The following ZNF516 variants were observed in gnomAD, a reference collection of about 807,000 sequenced individuals.
The protein encoded by ZNF516 is zinc finger protein 516.
A neutral mutation model predicts 79.7 loss-of-function variants in ZNF516; 19 were observed. The ratio of observed to expected loss-of-function variants is 0.24; its 90% CI spans 0.17 to 0.35. ZNF516 has a LOEUF of 0.35. ZNF516 is among the 10% of genes least tolerant of loss of function. The pLI is 1.00. For synonymous variants in ZNF516, 877 were observed against 739.5 expected (o/e 1.19, Z -3.02); for missense variants, 1,678 against 1,679.5 (o/e 1.00, Z 0.02).
rs1490897994 is a variant in ZNF516 at position 76,441,484 on chromosome 18, A to T, written c.1571T>A (p.Phe524Tyr). 3 of 1,601,560 alleles carry T rather than the reference A, an allele frequency of 1.9e-6. No individual in the cohort carries two copies. The highest frequency in any genetic ancestry group is 2.6e-6 in the Non-Finnish European group (3 of 1,175,452). Residue 524 changes from phenylalanine (F) to tyrosine (Y), a missense_variant, in exon 3 of 7, where the codon TTC becomes TAC. This residue lies in a region of ZNF516 where 1,294 missense variants were observed against 1,248.3 expected (regional missense o/e 1.04). Transcript: ENST00000443185. The stretch of plus-strand genomic sequence containing the variant: ...CAGCACCATCTGATGATAGGTGCGG[A>T]AGATCTTGCCGCACTCGAAGCACTC... Reference protein sequence around the residue: ...SSECFECGKIFRTYHQMVLHS... With the variant: ...SSECFECGKIYRTYHQMVLHS...
chr18:76,425,006 C>T, intron 3 of ZNF516, among the ~76,000 whole-genome samples: 1 of 141,076 alleles, frequency 7.1e-6, no homozygotes, highest in Non-Finnish European at 1.5e-5. Flanking sequence ...CCCCCTGAAA[C>T]ACACACACAG....
chr18:76,370,751 G>A (rs1396120744), intron 5 of ZNF516, among the ~76,000 whole-genome samples, 156 bp from the exon 6 acceptor site: 1 of 152,248 alleles, frequency 6.6e-6, no homozygotes, highest in Non-Finnish European at 1.5e-5. Context: ...CTTACAGTAA[G>A]AGACTGTGAT....
At chr18:76,399,707 C>T (rs2145204329) in intron 3 of ZNF516, among the ~76,000 whole-genome samples, 2 of 152,298 alleles carry the variant, frequency 1.3e-5, no homozygotes, top group Middle Eastern at 6.8e-3. Context: ...ACAGGTCTGA[C>T]TTCTAGCCCC....
At chr18:76,487,355 C>A (rs1914889313) in intron 1 of ZNF516, among the ~76,000 whole-genome samples, 1 of 152,326 alleles carries the variant, frequency 6.6e-6, no homozygotes, top group South Asian at 2.1e-4. Context: ...ATCTAAAATA[C>A]ACTTCGTACA....
At chr18:76,410,291 G>C (rs1347914196) in intron 3 of ZNF516, among the ~76,000 whole-genome samples, 1 of 152,218 alleles carries the variant, frequency 6.6e-6, no homozygotes, top group Non-Finnish European at 1.5e-5. Context: ...GCAAAAGTGA[G>C]AGCTTCTTGA....
rs1911701466 is a variant in ZNF516, at chr18:76,442,050, C to G, written c.1005G>C (p.Glu335Asp). 2 of 1,613,998 alleles carry G rather than the reference C, an allele frequency of 1.2e-6. No individual in the cohort carries two copies. Among genetic ancestry groups the G allele is most frequent in the African/African-American group, 2.7e-5 (2 of 75,074 alleles). The change falls in exon 3 of 7, where the codon GAG becomes GAC. Residue 335 changes from glutamate to aspartate, a missense_variant. This residue lies in a region of ZNF516 where 1,294 missense variants were observed against 1,248.3 expected (regional missense o/e 1.04). Transcript: ENST00000443185. ...EVIVAGLSLY[E>D]VCAKCGNLFT... ...ACAGGTTCCCGCACTTGGCGCAGAC[C>G]TCGTAGAGGCTCAGGCCGGCGACGA...
intron 1 of ZNF516, among the ~76,000 whole-genome samples, chr18:76,473,547 A>G (rs1384865806): frequency 6.6e-6 from 1 of 152,150 alleles, no homozygotes; most frequent in East Asian, 1.9e-4. Context: ...CACGCCTGTA[A>G]TCACAGCACT....
chr18:76,492,285 G>C (rs1568336714), intron 1 of ZNF516: 1 of 985,442 alleles, frequency 1.0e-6, no homozygotes, highest in African/African-American at 1.7e-5. Flanking sequence ...TGCGTACTAC[G>C]CGAGCCACAC....
chr18:76,380,119 C>T lies in ZNF516; in HGVS notation c.1995G>A (p.Glu665=). 1 of 1,613,940 alleles carries T rather than the reference C, an allele frequency of 6.2e-7. No homozygotes were observed. Among genetic ancestry groups the T allele is most frequent in the Admixed American group, 1.7e-5 (1 of 60,020 alleles). ...NSSRETSRRQ[E]QHRFSMDLKM... is the part of the protein sequence containing the mutation. ...TTAAGTCCATAGAAAATCTGTGCTG[C>T]TCTTGCCTTCTAGAAGTCTCTCTGC... Residue 665 remains glutamate, a synonymous_variant, in exon 4 of 7, where the codon GAG becomes GAA. Transcript: ENST00000443185.
Position 76,358,166 on chromosome 18 carries a change from T to C in ZNF516, c.*4332A>G, listed in dbSNP as rs971613631. On this transcript the variant is annotated 3_prime_UTR_variant, in exon 7 of 7. Transcript: ENST00000443185. ...AAACGATTTACGCCACCCTCTGAAA[T>C]TGGGGAAAAATGTCTTACAAATCTC... 25 of 152,318 alleles carry C rather than the reference T, an allele frequency of 1.6e-4. No homozygotes were observed. The highest frequency in any genetic ancestry group is 1.6e-3 in the Admixed American group (24 of 15,298). 9.4% of individuals were successfully genotyped at this position (152,318 alleles called of 1,614,324 possible).
chr18:76,453,715 T>A (rs1912555395), intron 2 of ZNF516, among the ~76,000 whole-genome samples: 1 of 152,198 alleles, frequency 6.6e-6, no homozygotes, highest in Non-Finnish European at 1.5e-5. Flanking sequence ...TTTCTTAAAA[T>A]TTTTCTTAGA....
chr18:76,407,522 C>T (rs921062415), intron 3 of ZNF516, among the ~76,000 whole-genome samples: 3 of 152,156 alleles, frequency 2.0e-5, no homozygotes, highest in East Asian at 3.9e-4. Context: ...TACGAGGAGA[C>T]GGGGCCATGT....
rs1217415725 is a variant in ZNF516 at position 76,459,136 on chromosome 18, G to C, written c.-158+3892C>G. ...AGCAACACTCGTGCCCATGTGCCTG[G>C]ATTACCAGCTTCGCACAGAGCCAGA... is the stretch of plus-strand genomic sequence containing the variant. On this transcript the variant is annotated intron_variant, in intron 2 of 6. Coordinates refer to ENST00000443185, the MANE Select transcript of ZNF516 (RefSeq NM_014643.4). This position sits in a 1 kb window ranked among gnomAD's most constrained non-coding sequence, Gnocchi z 5.0. Among the ~76,000 whole-genome samples the C allele has an allele frequency of 6.6e-6, 1 of 152,210 alleles. No homozygotes were observed. The highest frequency in any genetic ancestry group is 2.4e-5 in the African/African-American group (1 of 41,458).
rs779845660 is a variant in ZNF516 at position 76,493,707 on chromosome 18, T to C, written c.-272+1437A>G. Reference sequence around the variant, plus strand: ...GAAAAATCACACTCCCCCTCCAGTTTCTTCCCCTGCAATGATTTCAAAGAC... The same window carrying C: ...GAAAAATCACACTCCCCCTCCAGTTCCTTCCCCTGCAATGATTTCAAAGAC... On this transcript the variant is annotated intron_variant, in intron 1 of 6. Transcript: ENST00000443185. The surrounding 1 kb of genome is among the most constrained non-coding windows in gnomAD (Gnocchi z 5.2). The C allele has an allele frequency of 6.6e-6, 1 of 152,260 alleles. No homozygotes were observed. The highest frequency in any genetic ancestry group is 1.5e-5 in the Non-Finnish European group (1 of 68,066). 9.4% of individuals were successfully genotyped at this position (152,260 alleles called of 1,614,324 possible).
At chr18:76,367,886 C>G (rs769523086) in intron 6 of ZNF516, among the ~76,000 whole-genome samples, 1 of 152,110 alleles carries the variant, frequency 6.6e-6, no homozygotes, top group Non-Finnish European at 1.5e-5. Flanking sequence ...AATGTAGCAT[C>G]TATTATGTAT....
intron 3 of ZNF516, among the ~76,000 whole-genome samples, chr18:76,414,868 A>C (rs1452390034): frequency 6.6e-6 from 1 of 152,262 alleles, no homozygotes; most frequent in East Asian, 1.9e-4. Flanking sequence ...TAAATGTCTC[A>C]CCACAATGGA....
intron 3 of ZNF516, among the ~76,000 whole-genome samples, chr18:76,410,955 G>C (rs983964466): frequency 1.3e-5 from 2 of 152,290 alleles, no homozygotes; most frequent in East Asian, 1.9e-4. Flanking sequence ...ATATCAATGA[G>C]AAGAACTTGC....
intron 1 of ZNF516, among the ~76,000 whole-genome samples, chr18:76,484,968 G>A (rs80144120): frequency 1.8e-3 from 277 of 152,156 alleles, no homozygotes; most frequent in African/African-American, 6.5e-3. Flanking sequence ...ACCACTAATC[G>A]CATGACTCTA....
rs1340627199 is a variant in ZNF516 at position 76,441,771 on chromosome 18, G to C, written c.1284C>G (p.Ala428=). The change falls in exon 3 of 7, where the codon GCC becomes GCG. Residue 428 remains alanine (A), a synonymous_variant. Coordinates refer to ENST00000443185, the MANE Select transcript of ZNF516 (RefSeq NM_014643.4). ...CGTACTTGAGGTACTCGGCCGGCTCGGCCACCTTACCCCGCGTGGCCAGCT... is the reference window on the plus strand; with the variant it reads ...CGTACTTGAGGTACTCGGCCGGCTCCGCCACCTTACCCCGCGTGGCCAGCT... ...AWQLATRGKV[A]EPAEYLKYGA... is the part of the protein sequence containing the mutation. 1 of 1,563,812 alleles carries C rather than the reference G, an allele frequency of 6.4e-7. No homozygotes were observed. The highest frequency in any genetic ancestry group is 1.4e-5 in the African/African-American group (1 of 73,868).
Sources: allele counts gnomAD v4.1 joint callset (sites outside exome capture counted in the v4.1 genomes callset), GRCh38; gene constraint gnomAD v4.1.1; regional missense constraint gnomAD v4.1.1; non-coding constraint Gnocchi (gnomAD v3.1); transcripts MANE v1.5; gene names NCBI Gene and HGNC (gene_info 2026-07-23, HGNC 2026-07-21).